Variants in NALCN observed in about 807,000 individuals in gnomAD.
NALCN encodes sodium leak channel NALCN.
In NALCN, 111 loss-of-function variants were observed where a neutral mutation model predicts 225.3. The ratio of observed to expected loss-of-function variants is 0.49; its 90% confidence interval spans 0.42 to 0.58. The LOEUF is 0.58. Among genes scored for constraint, NALCN ranks in the 20% least tolerant of loss-of-function variants. The pLI, the probability that NALCN is intolerant of heterozygous loss-of-function variation, is 0.00. For missense variants in NALCN, 1,378 were observed against 2,202.4 expected, an observed-to-expected ratio of 0.63 and a Z score of 7.49; for synonymous variants, 764 against 769.0, an observed-to-expected ratio of 0.99 and a Z score of 0.11.
intron 7 of NALCN, among the ~76,000 whole-genome samples, chr13:101,338,912 C>T (rs2045469908): frequency 6.6e-6 from 1 of 152,238 alleles, no homozygotes; most frequent in African/African-American, 2.4e-5. Flanking sequence ...CCGGAGTTCT[C>T]TGTAATTCTA....
intron 11 of NALCN, among the ~76,000 whole-genome samples, chr13:101,252,230 C>A (rs530044971): frequency 2.0e-5 from 3 of 152,284 alleles, no homozygotes; most frequent in South Asian, 4.1e-4. Context: ...TCACCAAGCA[C>A]AACTGCCATG....
At position 101,103,487 on chromosome 13, in the gene NALCN, C is replaced by A. The variant is rs1446831051; in HGVS notation, c.2890-148G>T. ...CATCTGTTAACTTTAAACAACAAAC[C>A]TCATCTAGACTTGCTAGGTACCTCA... On this transcript the variant is annotated intron_variant, in intron 25 of 43. Coordinates refer to ENST00000251127, the MANE Select transcript of NALCN (RefSeq NM_052867.4). 5.4e-6 allele frequency: 5 copies of A among 927,632 alleles called. No homozygotes were observed. The Admixed American group carries it at 1.2e-4, about 22-fold the overall frequency. The allele number at this position is 927,632 out of a possible 1,614,324, so 57.5% of individuals were successfully genotyped here. A position where few individuals can be genotyped will look rare whatever the true frequency, so the allele number is the denominator to read the frequency against.
intron 13 of NALCN, among the ~76,000 whole-genome samples, chr13:101,213,100 T>C (rs1355571489): frequency 6.6e-6 from 1 of 152,044 alleles, no homozygotes; most frequent in Non-Finnish European, 1.5e-5. Flanking sequence ...AAAACAGAGA[T>C]ATAGACCAAT....
chr13:101,300,036 G>T (rs1772988049), intron 7 of NALCN, among the ~76,000 whole-genome samples: 1 of 151,538 alleles, frequency 6.6e-6, no homozygotes, highest in African/African-American at 2.4e-5. Context: ...AAAAAAAGCA[G>T]CAGCGAGGGG....
At chr13:101,088,379 T>C (rs2034035415) in intron 30 of NALCN, among the ~76,000 whole-genome samples, 1 of 152,144 alleles carries the variant, frequency 6.6e-6, no homozygotes, top group Non-Finnish European at 1.5e-5. Flanking sequence ...GTCCTAGCCA[T>C]GAATAACATC....
At chr13:101,214,188 C>T (rs1316631310) in intron 13 of NALCN, among the ~76,000 whole-genome samples, 7 of 151,862 alleles carry the variant, frequency 4.6e-5, no homozygotes, top group Non-Finnish European at 8.8e-5. Context: ...AGCAAACTAT[C>T]GCAAGGACAG....
chr13:101,156,429 T>C (rs537663828), intron 15 of NALCN, among the ~76,000 whole-genome samples: 1 of 152,286 alleles, frequency 6.6e-6, no homozygotes, highest in African/African-American at 2.4e-5. Context: ...AATACATGTA[T>C]GTATACTAAC....
At chr13:101,096,799 TCTCC>T (rs549778693) in intron 27 of NALCN, among the ~76,000 whole-genome samples, 1 of 152,216 alleles carries the variant, frequency 6.6e-6, no homozygotes, top group Non-Finnish European at 1.5e-5. Context: ...CATTTCCTAT[TCTCC>T]CTTTGGTTAT....
chr13:101,269,241 T>TATATATATATA (rs1566509203), intron 10 of NALCN, among the ~76,000 whole-genome samples: 3 of 147,816 alleles, frequency 2.0e-5, no homozygotes, highest in South Asian at 4.3e-4. Context: ...TATATATATA[T>TATATATATATA]TTTAGCCTGG....
At chr13:101,059,585 CAT>C (rs973339287) in intron 42 of NALCN, among the ~76,000 whole-genome samples, 2 of 151,350 alleles carry the variant, frequency 1.3e-5, no homozygotes, top group Non-Finnish European at 2.9e-5. Flanking sequence ...TTTTGGCATT[CAT>C]ATGAGTCAGA....
intron 13 of NALCN, among the ~76,000 whole-genome samples, chr13:101,228,591 G>T (rs1467642254): frequency 6.6e-6 from 1 of 152,126 alleles, no homozygotes; most frequent in Non-Finnish European, 1.5e-5. Context: ...CATGTAAGAT[G>T]TGCCTTTCAC....
At chr13:101,235,062 TAATA>T (rs2041502793) in intron 12 of NALCN, among the ~76,000 whole-genome samples, 1 of 151,676 alleles carries the variant, frequency 6.6e-6, no homozygotes, top group Admixed American at 6.6e-5. Context: ...CATATGTATA[TAATA>T]AATATATACA....
At chr13:101,158,683 G>C (rs1030724239) in intron 15 of NALCN, among the ~76,000 whole-genome samples, 1 of 152,198 alleles carries the variant, frequency 6.6e-6, no homozygotes, top group African/African-American at 2.4e-5. Flanking sequence ...CTGTAATCTA[G>C]TGGCTGAACT....
intron 6 of NALCN, among the ~76,000 whole-genome samples, chr13:101,354,761 A>C (rs144067867): frequency 1.3e-5 from 2 of 152,342 alleles, no homozygotes; most frequent in Non-Finnish European, 2.9e-5. Context: ...ATGTTAATTG[A>C]ATGTGGTTTG....
At chr13:101,108,960 A>G (rs1048883789) in intron 20 of NALCN, among the ~76,000 whole-genome samples, 3 of 152,322 alleles carry the variant, frequency 2.0e-5, no homozygotes, top group African/African-American at 7.2e-5. Flanking sequence ...TGGGAGATGG[A>G]TTTTACTATA....
At chr13:101,393,046 A>C (rs1410055761) in intron 3 of NALCN, among the ~76,000 whole-genome samples, 2 of 152,224 alleles carry the variant, frequency 1.3e-5, no homozygotes, top group African/African-American at 2.4e-5. Context: ...TTGGATAAGA[A>C]TTGTGTATGG....
intron 7 of NALCN, among the ~76,000 whole-genome samples, chr13:101,295,446 T>C (rs1415978625): frequency 2.0e-5 from 3 of 152,166 alleles, no homozygotes; most frequent in African/African-American, 7.2e-5. Flanking sequence ...AAGATTAAAT[T>C]TGAGAGGAAC....
intron 10 of NALCN, among the ~76,000 whole-genome samples, chr13:101,265,879 G>A (rs1318297938): frequency 6.6e-6 from 1 of 152,164 alleles, no homozygotes; most frequent in African/African-American, 2.4e-5. Context: ...AAGAGTGACA[G>A]CAGCTTCCTC....
At chr13:101,195,711 C>T (rs1176296565) in intron 13 of NALCN, among the ~76,000 whole-genome samples, 1 of 152,154 alleles carries the variant, frequency 6.6e-6, no homozygotes, top group East Asian at 1.9e-4. Flanking sequence ...TTCATTCAGG[C>T]ACAACATCAC....
Sources: allele counts gnomAD v4.1 joint callset (sites outside exome capture counted in the v4.1 genomes callset), GRCh38; gene constraint gnomAD v4.1.1; transcripts MANE v1.5; gene names NCBI Gene and HGNC (gene_info 2026-07-23, HGNC 2026-07-21).